Variants in HCRTR2 observed in about 807,000 individuals in gnomAD.
The protein encoded by HCRTR2 is orexin receptor type 2.
In HCRTR2, 22 loss-of-function variants were observed where a neutral mutation model predicts 49.0. The observed-to-expected ratio is 0.45, with a 90% CI of 0.32 to 0.64. The LOEUF (loss-of-function observed/expected upper bound fraction) is 0.64, where lower values mean the gene tolerates loss of function less well. Among genes scored for constraint, HCRTR2 ranks in the 30% least tolerant of loss-of-function variants. HCRTR2 has a pLI of 0.04. For synonymous variants in HCRTR2, 236 were observed against 205.3 expected (o/e 1.15, Z -1.28); for missense variants, 491 against 559.4 (o/e 0.88, Z 1.23).
intron 1 of HCRTR2, among the ~76,000 whole-genome samples, chr6:55,194,890 A>G (rs201383284): frequency 8.8e-6 from 1 of 114,022 alleles, no homozygotes; most frequent in African/African-American, 2.6e-5. Flanking sequence ...AAAACAACAC[A>G]ATTTTATGGC....
intron 3 of HCRTR2, among the ~76,000 whole-genome samples, chr6:55,255,822 G>A (rs1356125548): frequency 6.6e-6 from 1 of 152,172 alleles, no homozygotes; most frequent in Non-Finnish European, 1.5e-5. Flanking sequence ...TTAAGACCAT[G>A]TCCTGGATCA....
intron 6 of HCRTR2, 40 bp downstream of exon 6, chr6:55,280,484 C>A: frequency 6.2e-7 from 1 of 1,608,790 alleles, no homozygotes; most frequent in South Asian, 1.1e-5. Flanking sequence ...ACAATTGTAA[C>A]CAAGGATGAG....
At chr6:55,198,224 A>C (rs1452231357) in intron 1 of HCRTR2, among the ~76,000 whole-genome samples, 6 of 152,096 alleles carry the variant, frequency 3.9e-5, no homozygotes, top group African/African-American at 1.2e-4. Flanking sequence ...ACACTACCCA[A>C]ATCCCAATAT....
At chr6:55,222,273 G>A (rs1490766716) in intron 1 of HCRTR2, among the ~76,000 whole-genome samples, 1 of 150,246 alleles carries the variant, frequency 6.7e-6, no homozygotes, top group Admixed American at 6.6e-5. Context: ...CACCTGGTAG[G>A]ATGACCATTA....
At position 55,280,458 on chromosome 6, in the gene HCRTR2, T is replaced by A. The variant is rs200028165; in HGVS notation, c.1105+14T>A. On this transcript the variant is annotated intron_variant, in intron 6 of 6. Coordinates refer to ENST00000370862, the MANE Select transcript of HCRTR2 (RefSeq NM_001384272.1). ...ATTTTCTCAGTGGTGAGTTTTCAAC[T>A]GTTCTTCCATAAGCCACAATTGTAA... 5 of 1,611,608 alleles carry A rather than the reference T, an allele frequency of 3.1e-6. No individual in the cohort carries two copies. In the South Asian group the frequency reaches 5.5e-5, roughly 18 times the overall value.
chr6:55,193,327 T>A (rs1765353303), intron 1 of HCRTR2, among the ~76,000 whole-genome samples: 1 of 152,148 alleles, frequency 6.6e-6, no homozygotes, highest in Non-Finnish European at 1.5e-5. Context: ...ATATAACATT[T>A]GCTTAATGGA....
intron 1 of HCRTR2, among the ~76,000 whole-genome samples, chr6:55,213,660 T>C (rs3122154): frequency 0.86 from 130,512 of 152,116 alleles, 56,465 homozygotes; most frequent in East Asian, 0.97. Context: ...AAGAAATTCT[T>C]GGCTCCTGAC....
At chr6:55,124,725 C>A in intron 1 of HCRTR2, among the ~76,000 whole-genome samples, 1 of 152,024 alleles carries the variant, frequency 6.6e-6, no homozygotes, top group East Asian at 1.9e-4. Context: ...AAGTCTCCCA[C>A]TATTATTGTG....
intron 1 of HCRTR2, among the ~76,000 whole-genome samples, chr6:55,177,364 A>G (rs1765059281): frequency 2.0e-5 from 3 of 152,200 alleles, no homozygotes; most frequent in Admixed American, 2.0e-4. Context: ...ACAAACGAGT[A>G]GTGTCGTTAC....
intron 2 of HCRTR2, among the ~76,000 whole-genome samples, chr6:55,252,817 T>C (rs1026850195): frequency 4.6e-5 from 7 of 152,002 alleles, no homozygotes; most frequent in African/African-American, 1.5e-4. Flanking sequence ...TCTGTTCCAA[T>C]TAAAATATAG....
intron 3 of HCRTR2, among the ~76,000 whole-genome samples, chr6:55,258,982 C>T (rs1021329484): frequency 1.2e-4 from 18 of 152,032 alleles, no homozygotes; most frequent in African/African-American, 3.4e-4. Context: ...AACCGAAAGG[C>T]GGAGGTTGCA....
chr6:55,130,143 T>C (rs1764334024), intron 1 of HCRTR2, among the ~76,000 whole-genome samples: 1 of 151,998 alleles, frequency 6.6e-6, no homozygotes, highest in Admixed American at 6.6e-5. Context: ...CATTGATCTA[T>C]ACTCAGTGAC....
At chr6:55,212,111 G>A (rs1011897600) in intron 1 of HCRTR2, among the ~76,000 whole-genome samples, 2 of 152,156 alleles carry the variant, frequency 1.3e-5, no homozygotes, top group African/African-American at 4.8e-5. Flanking sequence ...ATGCTGAAAA[G>A]CCAGCATTCA....
chr6:55,139,887 AGTT>A (rs762729250), intron 1 of HCRTR2, among the ~76,000 whole-genome samples: 1 of 152,218 alleles, frequency 6.6e-6, no homozygotes, highest in Non-Finnish European at 1.5e-5. Context: ...CTAGAAAGTG[AGTT>A]CTTCCTTGAA....
intron 1 of HCRTR2, among the ~76,000 whole-genome samples, chr6:55,215,626 T>C (rs578144688): frequency 3.9e-5 from 6 of 152,160 alleles, no homozygotes; most frequent in Non-Finnish European, 8.8e-5. Context: ...TATAAAATTA[T>C]TAATGAATAC....
At chr6:55,112,959 C>G (rs147537478) in intron 1 of HCRTR2, among the ~76,000 whole-genome samples, 1 of 152,030 alleles carries the variant, frequency 6.6e-6, no homozygotes, top group African/African-American at 2.4e-5. Flanking sequence ...GAACAAATAA[C>G]CCAGAAATAA....
intron 1 of HCRTR2, among the ~76,000 whole-genome samples, chr6:55,236,984 C>G (rs1033486430): frequency 6.6e-6 from 1 of 152,120 alleles, no homozygotes; most frequent in African/African-American, 2.4e-5. Flanking sequence ...GTTATGCACA[C>G]TCTTCTGCAT....
intron 1 of HCRTR2, among the ~76,000 whole-genome samples, chr6:55,224,688 T>C (rs2127297348): frequency 6.6e-6 from 1 of 151,980 alleles, no homozygotes; most frequent in African/African-American, 2.4e-5. Flanking sequence ...TTTAGCCTTT[T>C]AAAAGAAGGA....
At chr6:55,244,980 G>A (rs1039241165) in intron 1 of HCRTR2, among the ~76,000 whole-genome samples, 52 of 152,016 alleles carry the variant, frequency 3.4e-4, no homozygotes, top group African/African-American at 1.2e-3. Context: ...TAGGTATGTG[G>A]TTTTATTTCT....
Sources: gnomAD v4.1 joint callset for allele counts (sites outside exome capture counted in the v4.1 genomes callset) on GRCh38, gnomAD v4.1.1 for gene constraint, MANE v1.5 for transcripts, NCBI Gene and HGNC (gene_info 2026-07-23, HGNC 2026-07-21) for gene names.